Variants in MTFR1 observed in about 807,000 individuals in gnomAD.
The protein encoded by MTFR1 is chondrocyte protein with a poly-proline region.
MTFR1 carries 28 observed loss-of-function variants against 38.8 expected under a neutral mutation model. The ratio of observed to expected loss-of-function variants is 0.72; its 90% CI spans 0.53 to 0.99. The LOEUF (loss-of-function observed/expected upper bound fraction) is 0.99, where lower values mean the gene tolerates loss of function less well. MTFR1 is among the 50% of genes least tolerant of loss of function. The pLI is 0.00. For synonymous variants in MTFR1, 145 were observed against 137.0 expected (o/e 1.06, Z -0.41); for missense variants, 358 against 395.5 (o/e 0.91, Z 0.81).
At chr8:65,747,659 T>C in intron 3 of MTFR1, 3 of 1,604,656 alleles carry the variant, frequency 1.9e-6, no homozygotes, top group Non-Finnish European at 2.6e-6. Flanking sequence ...CACCTTGGCT[T>C]GTCCATTATA....
chr8:65,761,056 T>A (rs1303541582), intron 3 of MTFR1, among the ~76,000 whole-genome samples: 1 of 152,102 alleles, frequency 6.6e-6, no homozygotes, highest in East Asian at 1.9e-4. Flanking sequence ...TTACCAATAT[T>A]GTTTTTTCTT....
chr8:65,773,346 T>C (rs1288446391), downstream of MTFR1, among the ~76,000 whole-genome samples: 1 of 152,212 alleles, frequency 6.6e-6, no homozygotes, highest in East Asian at 1.9e-4. Flanking sequence ...GTAATAACTA[T>C]AGGACCAAGT....
At chr8:65,678,614 G>C (rs530571707) in intron 2 of MTFR1, among the ~76,000 whole-genome samples, 41 of 152,120 alleles carry the variant, frequency 2.7e-4, no homozygotes, top group African/African-American at 9.4e-4. Flanking sequence ...ATTAAAAGCT[G>C]AATCGGCTGG....
chr8:65,732,526 AATCT>A (rs573315651), intron 3 of MTFR1, among the ~76,000 whole-genome samples: 7 of 152,166 alleles, frequency 4.6e-5, no homozygotes, highest in African/African-American at 2.4e-5. Context: ...GCATCTATCT[AATCT>A]ATCTATCTAT....
intron 2 of MTFR1, chr8:65,679,621 T>A (rs2129053087): frequency 6.6e-6 from 1 of 152,334 alleles, no homozygotes; most frequent in South Asian, 2.1e-4. Context: ...TGAAACTCCA[T>A]CTCAAAAATA....
chr8:65,703,332 C>A (rs1043550042), intron 4 of MTFR1, among the ~76,000 whole-genome samples: 2 of 148,750 alleles, frequency 1.3e-5, no homozygotes, highest in Non-Finnish European at 3.0e-5. Context: ...GTGTGGGTAA[C>A]AGAGCGAGAT....
intron 3 of MTFR1, among the ~76,000 whole-genome samples, chr8:65,758,087 T>G (rs972650428): frequency 6.6e-6 from 1 of 152,252 alleles, no homozygotes; most frequent in Non-Finnish European, 1.5e-5. Flanking sequence ...TAGTCCAGAT[T>G]GCTGGTTGTA....
At chr8:65,711,603 C>T (rs1034709126), downstream of MTFR1, among the ~76,000 whole-genome samples, 7 of 152,090 alleles carry the variant, frequency 4.6e-5, no homozygotes, top group African/African-American at 1.4e-4. Flanking sequence ...TCTCTGCTAC[C>T]CTATTGATCC....
chr8:65,674,487 C>T (rs916580835), intron 2 of MTFR1, among the ~76,000 whole-genome samples: 1 of 151,886 alleles, frequency 6.6e-6, no homozygotes, highest in African/African-American at 2.4e-5. Flanking sequence ...TGGTGTATGC[C>T]TGTAGTCCCA....
At position 65,657,847 on chromosome 8, in the gene MTFR1, A is replaced by G. The variant is rs539572247; in HGVS notation, c.-80-12026A>G. ...GATACATTATGATGTTGCAATACATATAATGTGTAGTACTCAGATCATAGT... is the reference window on the plus strand; with the variant it reads ...GATACATTATGATGTTGCAATACATGTAATGTGTAGTACTCAGATCATAGT... On this transcript the variant is annotated intron_variant, in intron 1 of 7. Transcript: ENST00000262146. Among the ~76,000 whole-genome samples, 20 of 152,334 alleles carry G rather than the reference A, an allele frequency of 1.3e-4. No individual in the cohort carries two copies. The South Asian group carries it at 3.5e-3, about 27-fold the overall frequency.
chr8:65,707,855 T>C lies in MTFR1; in HGVS notation c.777T>C (p.Asp259=). The change falls in exon 7 of 8, where the codon GAT becomes GAC. Residue 259 remains aspartate (D), a synonymous_variant. Coordinates refer to ENST00000262146, the MANE Select transcript of MTFR1 (RefSeq NM_014637.4). ...TCACTTCTCTAAGGTCAGAGCAAGA[T>C]GTGAAGCCCAAGCCAGTGGATGCTA... ...KLRSVKRSEQ[D]VKPKPVDATD... The C allele has an allele frequency of 6.2e-7, 1 of 1,614,026 alleles. No homozygotes were observed. The highest frequency in any genetic ancestry group is 8.5e-7 in the Non-Finnish European group (1 of 1,179,966).
the MTFR1 span, among the ~76,000 whole-genome samples, chr8:65,777,923 T>G: frequency 1.3e-5 from 2 of 152,222 alleles, no homozygotes; most frequent in Non-Finnish European, 2.9e-5. Context: ...ACTTCCTGAA[T>G]CTGTCCCTTA....
chr8:65,695,547 G>A (rs1204397507), intron 4 of MTFR1, among the ~76,000 whole-genome samples: 3 of 152,090 alleles, frequency 2.0e-5, no homozygotes, highest in East Asian at 3.9e-4. Flanking sequence ...AGTAGAGACG[G>A]GGTTTCACCA....
chr8:65,681,671 G>GTTTT (rs200580429), intron 2 of MTFR1, among the ~76,000 whole-genome samples: 1 of 108,368 alleles, frequency 9.2e-6, no homozygotes, highest in Admixed American at 9.2e-5. Context: ...TGTTGTTTTT[G>GTTTT]TTTTTTTTTT....
At chr8:65,649,873 C>T (rs952083286) in intron 1 of MTFR1, among the ~76,000 whole-genome samples, 21 of 150,608 alleles carry the variant, frequency 1.4e-4, no homozygotes, top group African/African-American at 5.1e-4. Context: ...GAGTCTCGCT[C>T]TGTCACCAAG....
intron 4 of MTFR1, among the ~76,000 whole-genome samples, chr8:65,694,911 G>T (rs1805390365): frequency 6.6e-6 from 1 of 152,206 alleles, no homozygotes; most frequent in South Asian, 2.1e-4. Flanking sequence ...ACTGCCAGAT[G>T]GCTCAATGAG....
At chr8:65,755,956 G>A (rs1346864028) in intron 3 of MTFR1, among the ~76,000 whole-genome samples, 1 of 152,158 alleles carries the variant, frequency 6.6e-6, no homozygotes, top group Non-Finnish European at 1.5e-5. Flanking sequence ...TACTGGTAAT[G>A]AACTCCCTCA....
chr8:65,661,542 A>C (rs1809414513), intron 1 of MTFR1, among the ~76,000 whole-genome samples: 1 of 152,118 alleles, frequency 6.6e-6, no homozygotes, highest in Admixed American at 6.5e-5. Flanking sequence ...GAGGCATGAG[A>C]ATCGCTTGAA....
chr8:65,656,806 G>A (rs1809282806), intron 1 of MTFR1, among the ~76,000 whole-genome samples: 1 of 151,496 alleles, frequency 6.6e-6, no homozygotes, highest in Admixed American at 6.6e-5. Context: ...CGGCTGCCTG[G>A]CTAATTTTTA....
Sources: allele counts gnomAD v4.1 joint callset (sites outside exome capture counted in the v4.1 genomes callset), GRCh38; gene constraint gnomAD v4.1.1; transcripts MANE v1.5; gene names NCBI Gene and HGNC (gene_info 2026-07-23, HGNC 2026-07-21).